PRIM2: variants seen among roughly 807,000 people sequenced by gnomAD.
PRIM2 encodes DNA primase subunit 2.
A neutral mutation model predicts 67.3 loss-of-function variants in PRIM2; 39 were observed. That is an observed-to-expected ratio of 0.58 (90% CI 0.45 to 0.76). The LOEUF (loss-of-function observed/expected upper bound fraction) is 0.76, where lower values mean the gene tolerates loss of function less well. Among genes scored for constraint, PRIM2 ranks in the 30% least tolerant of loss-of-function variants. The pLI is 0.00. For missense variants in PRIM2, 398 were observed against 598.7 expected (o/e 0.66, Z 3.50); for synonymous variants, 143 against 198.7 (o/e 0.72, Z 2.36).
chr6:57,519,641 C>T (rs1554348676), intron 8 of PRIM2, among the ~76,000 whole-genome samples: 4 of 152,148 alleles, frequency 2.6e-5, no homozygotes, highest in African/African-American at 9.7e-5. Context: ...CTCAAACACA[C>T]ATGCTGTACA....
rs1166118227 is a variant in PRIM2, at chr6:57,498,728, C to T, written c.694-8659C>T. Among the ~76,000 whole-genome samples the T allele has an allele frequency of 1.3e-3, 200 of 152,152 alleles. 5 individuals are homozygous for T. In the East Asian group the frequency reaches 0.016, roughly 12 times the overall value. On this transcript the variant is annotated intron_variant, in intron 7 of 13. Coordinates refer to ENST00000615550, the MANE Select transcript of PRIM2 (RefSeq NM_000947.5). ...CTGTCATTTTTATGTGTTTTAATTT[C>T]GCCAGTGTTGGGTGAACAGTTCAGA...
chr6:57,356,707 G>A (rs1219785520), intron 5 of PRIM2, among the ~76,000 whole-genome samples: 3 of 152,214 alleles, frequency 2.0e-5, no homozygotes, highest in Non-Finnish European at 4.4e-5. Context: ...GAATTCAAAG[G>A]GTAAAAGGGG....
At chr6:57,361,824 A>T (rs887551) in intron 5 of PRIM2, among the ~76,000 whole-genome samples, 242 of 152,066 alleles carry the variant, frequency 1.6e-3, no homozygotes, top group African/African-American at 4.6e-3. Flanking sequence ...GCAGGAAAAG[A>T]CTGATTTCAG....
the PRIM2 span, among the ~76,000 whole-genome samples, chr6:57,231,938 G>A: frequency 7.2e-5 from 11 of 151,902 alleles, no homozygotes; most frequent in Admixed American, 5.2e-4. Flanking sequence ...TCTGAGCAAA[G>A]CATTCAATGC....
intron 7 of PRIM2, among the ~76,000 whole-genome samples, chr6:57,409,179 C>CT (rs71299588): frequency 7.7e-4 from 110 of 143,650 alleles, no homozygotes; most frequent in East Asian, 1.0e-3. Flanking sequence ...TGGATAAATA[C>CT]TTTTTTTTTT....
chr6:57,580,680 GA>G (rs1340385964), intron 10 of PRIM2, among the ~76,000 whole-genome samples: 1 of 152,208 alleles, frequency 6.6e-6, no homozygotes, highest in Non-Finnish European at 1.5e-5. Context: ...ACTGAGAAGA[GA>G]GGTCAAAGAA....
Position 57,356,925 on chromosome 6 carries a change from T to A in PRIM2, c.460-22976T>A, listed in dbSNP as rs1314858870. ...TGGGCTACCATGATTTCTTATCCAA[T>A]CCATTCTTTTTTTTTTTTTTTTTTT... is the stretch of plus-strand genomic sequence containing the variant. On this transcript the variant is annotated intron_variant, in intron 5 of 13. Coordinates refer to ENST00000615550, the MANE Select transcript of PRIM2 (RefSeq NM_000947.5). Among the ~76,000 whole-genome samples, 35 of 149,376 alleles carry A rather than the reference T, an allele frequency of 2.3e-4. 1 individual carries two copies. Among genetic ancestry groups the A allele is most frequent in the Admixed American group, 2.2e-3 (32 of 14,864 alleles).
At chr6:57,479,179 C>T (rs1487732298) in intron 7 of PRIM2, among the ~76,000 whole-genome samples, 6 of 152,200 alleles carry the variant, frequency 3.9e-5, no homozygotes, top group South Asian at 2.1e-4. Context: ...ACAGTCATTC[C>T]GTATAATTTT....
chr6:57,516,161 C>T (rs1554348240), intron 8 of PRIM2, among the ~76,000 whole-genome samples: 20 of 151,716 alleles, frequency 1.3e-4, no homozygotes, highest in Admixed American at 9.9e-4. Flanking sequence ...AAGGCCCGTG[C>T]GATTAGATCA....
chr6:57,343,102 C>T (rs1019561447), intron 5 of PRIM2, among the ~76,000 whole-genome samples: 6 of 152,054 alleles, frequency 3.9e-5, no homozygotes, highest in East Asian at 1.9e-4. Flanking sequence ...ATTGAGTTTA[C>T]GTTGATTTAA....
At chr6:57,270,073 C>A in the PRIM2 span, among the ~76,000 whole-genome samples, 1 of 152,014 alleles carries the variant, frequency 6.6e-6, no homozygotes, top group African/African-American at 2.4e-5. Flanking sequence ...ATGATGCCTC[C>A]AGCTTTGTTC....
intron 7 of PRIM2, among the ~76,000 whole-genome samples, chr6:57,457,228 G>C (rs1362154097): frequency 6.6e-6 from 1 of 152,180 alleles, no homozygotes; most frequent in South Asian, 2.1e-4. Flanking sequence ...GAGGCTACTT[G>C]GGGGTCAGGG....
At chr6:57,431,542 G>A (rs1262862454) in intron 7 of PRIM2, among the ~76,000 whole-genome samples, 1 of 151,956 alleles carries the variant, frequency 6.6e-6, no homozygotes, top group Non-Finnish European at 1.5e-5. Context: ...CAGCTACTTG[G>A]GGGGCTCAGG....
At chr6:57,534,975 G>C (rs1774973741) in intron 9 of PRIM2, among the ~76,000 whole-genome samples, 1 of 152,240 alleles carries the variant, frequency 6.6e-6, no homozygotes, top group African/African-American at 2.4e-5. Flanking sequence ...GGCATCAGAT[G>C]TTATCTTTTT....
intron 8 of PRIM2, among the ~76,000 whole-genome samples, chr6:57,507,753 C>T (rs1554347342): frequency 4.0e-5 from 6 of 151,796 alleles, no homozygotes; most frequent in East Asian, 1.9e-4. Flanking sequence ...GAGCTATTTA[C>T]GTAAATACAA....
chr6:57,646,001 G>T lies in PRIM2; in HGVS notation c.1373G>T (p.Gly458Val). 6.2e-7 allele frequency: 1 copy of T among 1,607,228 alleles called. No homozygotes were observed. The highest frequency in any genetic ancestry group is 1.1e-5 in the South Asian group (1 of 90,936). Residue 458 changes from glycine (G) to valine (V), a missense_variant, in exon 14 of 14, where the codon GGT becomes GTT. Coordinates refer to ENST00000615550, the MANE Select transcript of PRIM2 (RefSeq NM_000947.5). ...GAGAGCCAACGTATTCTAAATGGTG[G>T]TAAAGACATAAAGAAGGAACCTATC... ...FCESQRILNG[G>V]KDIKKEPIQP...
intron 10 of PRIM2, among the ~76,000 whole-genome samples, chr6:57,577,885 A>G (rs1253871476): frequency 6.6e-6 from 1 of 152,236 alleles, no homozygotes; most frequent in Non-Finnish European, 1.5e-5. Flanking sequence ...TTGGTACAAT[A>G]CTGTAACTAG....
the PRIM2 span, among the ~76,000 whole-genome samples, chr6:57,225,629 G>C: frequency 2.0e-4 from 31 of 152,166 alleles, no homozygotes; most frequent in Admixed American, 2.0e-3. Context: ...CACTGATCCA[G>C]CAAAAAATGT....
chr6:57,464,370 C>G (rs1773117811), intron 7 of PRIM2, among the ~76,000 whole-genome samples: 1 of 151,964 alleles, frequency 6.6e-6, no homozygotes, highest in Non-Finnish European at 1.5e-5. Context: ...CTCCGTCTCC[C>G]AGGTTCAAGT....
Sources: gnomAD v4.1 joint callset for allele counts (sites outside exome capture counted in the v4.1 genomes callset) on GRCh38, gnomAD v4.1.1 for gene constraint, MANE v1.5 for transcripts, NCBI Gene and HGNC (gene_info 2026-07-23, HGNC 2026-07-21) for gene names.